The following SOS2 variants were observed in gnomAD, a reference collection of about 807,000 sequenced individuals.
The protein encoded by SOS2 is son of sevenless homolog 2.
SOS2 carries 65 observed loss-of-function variants against 148.2 expected under a neutral mutation model. The ratio of observed to expected loss-of-function variants is 0.44; its 90% CI spans 0.36 to 0.54. The LOEUF is 0.54. SOS2 is among the 20% of genes least tolerant of loss of function. SOS2 has a pLI of 0.00. For synonymous variants in SOS2, 539 were observed against 537.1 expected (o/e 1.00, Z -0.05); for missense variants, 1,341 against 1,590.2 (o/e 0.84, Z 2.67).
At chr14:50,134,456 T>C (rs1011732009) in intron 18 of SOS2, among the ~76,000 whole-genome samples, 2 of 152,350 alleles carry the variant, frequency 1.3e-5, no homozygotes, top group Admixed American at 1.3e-4. Flanking sequence ...GGAAGTTATA[T>C]TCTAGTCTTA....
At chr14:50,185,422 T>G (rs1366778555) in intron 5 of SOS2, among the ~76,000 whole-genome samples, 1 of 152,140 alleles carries the variant, frequency 6.6e-6, no homozygotes, top group Non-Finnish European at 1.5e-5. Context: ...TCAGGCGCGG[T>G]GGCTCATGCC....
intron 19 of SOS2, among the ~76,000 whole-genome samples, chr14:50,133,572 T>C (rs575465769): frequency 5.9e-5 from 9 of 152,334 alleles, no homozygotes; most frequent in African/African-American, 2.2e-4. Flanking sequence ...CTACCTGACT[T>C]CCTGCTTCAC....
In SOS2 at chr14:50,150,128, G is replaced by A. The variant is rs868005783; in HGVS notation, c.2264C>T (p.Pro755Leu). Residue 755 changes from proline to leucine, a missense_variant, in exon 14 of 23, where the codon CCA becomes CTA. Coordinates refer to ENST00000216373, the MANE Select transcript of SOS2 (RefSeq NM_006939.4). ...GVSHNITFES[P>L]PPPIEWHISK... The stretch of plus-strand genomic sequence containing the variant: ...GATATGCCATTCAATTGGTGGAGGT[G>A]GACTTTCAAAGGTAATATTATGGCT... 18 of 1,612,542 alleles carry A rather than the reference G, an allele frequency of 1.1e-5. No individual in the cohort carries two copies. The highest frequency in any genetic ancestry group is 1.5e-5 in the Non-Finnish European group (18 of 1,178,730).
intron 6 of SOS2, among the ~76,000 whole-genome samples, chr14:50,181,911 A>G (rs928817345): frequency 2.0e-5 from 3 of 151,848 alleles, no homozygotes; most frequent in Non-Finnish European, 4.4e-5. Flanking sequence ...CTTCTTTCCA[A>G]CTTTAAGTTT....
At chr14:50,137,476 T>C (rs1213112595) in intron 18 of SOS2, among the ~76,000 whole-genome samples, 2 of 152,164 alleles carry the variant, frequency 1.3e-5, no homozygotes, top group East Asian at 1.9e-4. Context: ...TTGAACCAAC[T>C]ACACAAAGAA....
At chr14:50,167,624 T>C (rs993614530) in intron 8 of SOS2, among the ~76,000 whole-genome samples, 2 of 151,972 alleles carry the variant, frequency 1.3e-5, no homozygotes, top group African/African-American at 2.4e-5. Flanking sequence ...ATCCCAGCAC[T>C]TTGGGAGGCT....
chr14:50,206,238 AT>A (rs1226703456), intron 1 of SOS2, among the ~76,000 whole-genome samples: 1 of 152,148 alleles, frequency 6.6e-6, no homozygotes, highest in Non-Finnish European at 1.5e-5. Context: ...TCTAATATGT[AT>A]GTTTTCTCTA....
chr14:50,217,273 T>C lies in SOS2; in HGVS notation c.88-12864A>G, dbSNP rs534960403. 3.3e-5 allele frequency among the ~76,000 whole-genome samples: 5 copies of C among 152,178 alleles called. No individual in the cohort carries two copies. The South Asian group carries it at 6.2e-4, about 19-fold the overall frequency. ...ATATCCATATACAAAAAAACAAACA[T>C]ACCATATACAGAATTATCACACCAT... On this transcript the variant is annotated intron_variant, in intron 1 of 22. Coordinates refer to ENST00000216373, the MANE Select transcript of SOS2 (RefSeq NM_006939.4).
intron 3 of SOS2, among the ~76,000 whole-genome samples, chr14:50,200,213 C>T (rs1199748885): frequency 6.6e-6 from 1 of 151,966 alleles, no homozygotes; most frequent in Non-Finnish European, 1.5e-5. Context: ...ACCAGTATCC[C>T]CTAATTACAG....
chr14:50,124,212 C>T (rs1448177671), intron 21 of SOS2, among the ~76,000 whole-genome samples: 3 of 152,130 alleles, frequency 2.0e-5, no homozygotes, highest in African/African-American at 4.8e-5. Flanking sequence ...CAAGACTGAA[C>T]AACCAAGTGA....
At chr14:50,170,711 A>G (rs551090827) in intron 8 of SOS2, among the ~76,000 whole-genome samples, 1 of 152,182 alleles carries the variant, frequency 6.6e-6, no homozygotes, top group East Asian at 1.9e-4. Flanking sequence ...ACAAATAGTT[A>G]ACAAGTATAT....
At chr14:50,195,354 A>C (rs955518402) in intron 4 of SOS2, among the ~76,000 whole-genome samples, 1 of 152,242 alleles carries the variant, frequency 6.6e-6, no homozygotes, top group Non-Finnish European at 1.5e-5. Flanking sequence ...GTCTAAAAGC[A>C]ATATAACAAG....
chr14:50,223,697 T>C (rs1229092891), intron 1 of SOS2, among the ~76,000 whole-genome samples: 1 of 151,134 alleles, frequency 6.6e-6, no homozygotes, highest in Non-Finnish European at 1.5e-5. Context: ...AACAAAAAAT[T>C]AGCTGGGTGT....
At chr14:50,231,829 A>G (rs573725318), upstream of SOS2, among the ~76,000 whole-genome samples, 3 of 152,212 alleles carry the variant, frequency 2.0e-5, no homozygotes, top group South Asian at 6.2e-4. Flanking sequence ...GAGCCTCGCT[A>G]TGGCGCGCAC....
intron 1 of SOS2, among the ~76,000 whole-genome samples, chr14:50,224,319 ACACACACAC>A (rs1887296115): frequency 6.7e-5 from 1 of 14,874 alleles, no homozygotes; most frequent in Admixed American, 1.6e-3. Context: ...ATATATACAC[ACACACACAC>A]ACACACACAC....
At chr14:50,197,937 G>A (rs577795402) in intron 4 of SOS2, among the ~76,000 whole-genome samples, 95 of 151,026 alleles carry the variant, frequency 6.3e-4, no homozygotes, top group African/African-American at 2.2e-3. Context: ...TGACCTGCCC[G>A]CCTCAGCCTC....
At position 50,204,427 on chromosome 14, in the gene SOS2, C is replaced by G; in HGVS notation, c.88-18G>C. ...TCCTGAACCTTTAAAAAAAAGTTAT[C>G]AGTTAAAGTAATGGCAAAATAATAT... On this transcript the variant is annotated intron_variant, in intron 1 of 22. Transcript: ENST00000216373. 6.7e-7 allele frequency: 1 copy of G among 1,492,204 alleles called. No homozygotes were observed. Among genetic ancestry groups the G allele is most frequent in the Non-Finnish European group, 9.2e-7 (1 of 1,090,794 alleles). The allele number at this position is 1,492,204 out of a possible 1,614,324, so 92.4% of individuals were successfully genotyped here.
chr14:50,131,434 CA>C (rs1883861442), intron 19 of SOS2, among the ~76,000 whole-genome samples: 1 of 152,130 alleles, frequency 6.6e-6, no homozygotes, highest in Admixed American at 6.5e-5. Context: ...GAGGGGTTTT[CA>C]AAAAGTGCAT....
chr14:50,203,570 A>G (rs1169032583), intron 2 of SOS2, among the ~76,000 whole-genome samples: 1 of 146,720 alleles, frequency 6.8e-6, no homozygotes, highest in African/African-American at 2.5e-5. Context: ...TTATTTTAGT[A>G]CTAATTTAAA....
Sources: gnomAD v4.1 joint callset for allele counts (sites outside exome capture counted in the v4.1 genomes callset) on GRCh38, gnomAD v4.1.1 for gene constraint, MANE v1.5 for transcripts, NCBI Gene and HGNC (gene_info 2026-07-23, HGNC 2026-07-21) for gene names.